RALYL: variants seen among roughly 807,000 people sequenced by gnomAD.
RALYL encodes the protein RALY RNA binding protein like.
RALYL carries 29 observed loss-of-function variants against 35.1 expected under a neutral mutation model. The ratio of observed to expected loss-of-function variants is 0.83; its 90% confidence interval spans 0.61 to 1.13. The LOEUF is 1.13. Among genes scored for constraint, RALYL ranks in the 50% most tolerant of loss-of-function variants. The probability of loss-of-function intolerance (pLI) is 0.00; values close to 1 mark genes in which losing one functional copy is unlikely to be tolerated. For synonymous variants in RALYL, 120 were observed against 127.6 expected (o/e 0.94, Z 0.40); for missense variants, 359 against 360.4 (o/e 1.00, Z 0.03).
chr8:84,552,982 A>C (rs916528976), intron 2 of RALYL, among the ~76,000 whole-genome samples: 15 of 152,264 alleles, frequency 9.9e-5, no homozygotes, highest in Admixed American at 4.6e-4. Context: ...AAATTCACAC[A>C]CATACATACA....
At chr8:84,843,952 T>G (rs184701811) in intron 4 of RALYL, among the ~76,000 whole-genome samples, 217 of 152,282 alleles carry the variant, frequency 1.4e-3, no homozygotes, top group African/African-American at 5.0e-3. Context: ...CTTTACACCT[T>G]ATACAAAAAT....
At chr8:84,493,595 A>G (rs1484776578) in intron 1 of RALYL, among the ~76,000 whole-genome samples, 1 of 152,086 alleles carries the variant, frequency 6.6e-6, no homozygotes, top group Non-Finnish European at 1.5e-5. Flanking sequence ...TGACTTTTTA[A>G]TAATCACCAT....
At chr8:84,858,500 GAA>G (rs959908584) in intron 5 of RALYL, among the ~76,000 whole-genome samples, 28 of 152,098 alleles carry the variant, frequency 1.8e-4, no homozygotes, top group African/African-American at 5.8e-4. Flanking sequence ...TAAGGAACAA[GAA>G]AAACAAGAGG....
chr8:84,660,344 G>C (rs1394324920), intron 2 of RALYL, among the ~76,000 whole-genome samples: 1 of 151,738 alleles, frequency 6.6e-6, no homozygotes, highest in African/African-American at 2.4e-5. Context: ...ATAACCATAT[G>C]CTTGAATTGT....
intron 1 of RALYL, among the ~76,000 whole-genome samples, chr8:84,412,320 AATTTT>A (rs1317547009): frequency 1.3e-5 from 2 of 151,922 alleles, no homozygotes; most frequent in Non-Finnish European, 2.9e-5. Context: ...TGCTCATTAC[AATTTT>A]ATTTTATTTT....
chr8:84,757,036 C>T (rs2133307355), intron 2 of RALYL, among the ~76,000 whole-genome samples: 1 of 152,108 alleles, frequency 6.6e-6, no homozygotes, highest in Admixed American at 6.5e-5. Context: ...TGTGTATTGA[C>T]ATACTAACAA....
At chr8:84,489,360 C>T (rs575776877) in intron 1 of RALYL, among the ~76,000 whole-genome samples, 2 of 151,934 alleles carry the variant, frequency 1.3e-5, no homozygotes, top group East Asian at 3.9e-4. Context: ...AATCAATAAG[C>T]CAGACATAAA....
intron 1 of RALYL, among the ~76,000 whole-genome samples, chr8:84,405,901 G>T (rs200822067): frequency 2.2e-4 from 31 of 139,364 alleles, no homozygotes; most frequent in African/African-American, 8.1e-4. Context: ...CTCACTGCAA[G>T]CTCTGCCTCC....
chr8:84,813,771 TA>T (rs1341350306), intron 4 of RALYL, among the ~76,000 whole-genome samples: 1 of 150,966 alleles, frequency 6.6e-6, no homozygotes, highest in Non-Finnish European at 1.5e-5. Context: ...ACTTTTTTTT[TA>T]ATACTTTAAG....
chr8:84,548,516 T>G (rs2135390581), intron 2 of RALYL, among the ~76,000 whole-genome samples: 1 of 152,336 alleles, frequency 6.6e-6, no homozygotes, highest in African/African-American at 2.4e-5. Context: ...TCTGTATGGA[T>G]GTATTTCCAG....
intron 4 of RALYL, among the ~76,000 whole-genome samples, chr8:84,840,005 A>G (rs932097523): frequency 6.6e-6 from 1 of 152,208 alleles, no homozygotes; most frequent in African/African-American, 2.4e-5. Flanking sequence ...AGATAAAACC[A>G]CAAAGATGGG....
chr8:84,770,432 C>A (rs978687472), intron 2 of RALYL, among the ~76,000 whole-genome samples: 3 of 98,806 alleles, frequency 3.0e-5, no homozygotes, highest in Admixed American at 2.8e-4. Context: ...ACCATAATTT[C>A]TTTATTCACT....
chr8:84,468,785 C>T (rs1248286271), intron 1 of RALYL, among the ~76,000 whole-genome samples: 1 of 151,474 alleles, frequency 6.6e-6, no homozygotes, highest in Non-Finnish European at 1.5e-5. Flanking sequence ...GTACACCAAT[C>T]AGACGTAGAT....
At chr8:84,741,342 G>T (rs1382146825) in intron 2 of RALYL, among the ~76,000 whole-genome samples, 1 of 151,958 alleles carries the variant, frequency 6.6e-6, no homozygotes, top group Non-Finnish European at 1.5e-5. Flanking sequence ...ACAGCTAGCT[G>T]TCTTAGTTTG....
At chr8:84,650,341 C>T (rs1257681543) in intron 2 of RALYL, among the ~76,000 whole-genome samples, 4 of 151,938 alleles carry the variant, frequency 2.6e-5, no homozygotes, top group Non-Finnish European at 5.9e-5. Context: ...GGGCTAATAT[C>T]CAGAATCTAC....
intron 2 of RALYL, chr8:84,706,072 C>A (rs1841152905): frequency 6.5e-7 from 1 of 1,534,402 alleles, no homozygotes. Context: ...TAAGTAAAAT[C>A]TGACCCAACT....
chr8:84,633,291 T>C (rs1006546292), intron 2 of RALYL, among the ~76,000 whole-genome samples: 17 of 151,730 alleles, frequency 1.1e-4, no homozygotes, highest in African/African-American at 1.7e-4. Flanking sequence ...AACACCCAGA[T>C]AGAGTTTGGA....
intron 2 of RALYL, among the ~76,000 whole-genome samples, chr8:84,773,594 C>T (rs1467934517): frequency 1.4e-5 from 2 of 143,358 alleles, no homozygotes; most frequent in African/African-American, 2.5e-5. Context: ...TTGTCACATA[C>T]TTAAACCTCT....
At chr8:84,615,412 G>A (rs1819273789) in intron 2 of RALYL, among the ~76,000 whole-genome samples, 1 of 150,870 alleles carries the variant, frequency 6.6e-6, no homozygotes, top group African/African-American at 2.5e-5. Context: ...ATGTCAGTAT[G>A]TATTTATATA....
Sources: gnomAD v4.1 joint callset for allele counts (sites outside exome capture counted in the v4.1 genomes callset) on GRCh38, gnomAD v4.1.1 for gene constraint, MANE v1.5 for transcripts, NCBI Gene and HGNC (gene_info 2026-07-23, HGNC 2026-07-21) for gene names.